The following TASP1 variants were observed in gnomAD, a reference collection of about 807,000 sequenced individuals.
The protein encoded by TASP1 is threonine aspartase 1.
TASP1 carries 16 observed loss-of-function variants against 56.6 expected under a neutral mutation model. The ratio of observed to expected loss-of-function variants is 0.28; its 90% confidence interval spans 0.19 to 0.43. The LOEUF (loss-of-function observed/expected upper bound fraction) is 0.43, where lower values mean the gene tolerates loss of function less well. TASP1 is among the 20% of genes least tolerant of loss of function. TASP1 has a pLI of 1.00. For missense variants in TASP1, 393 were observed against 511.6 expected (o/e 0.77, Z 2.24); for synonymous variants, 179 against 184.2 (o/e 0.97, Z 0.23).
At chr20:13,170,895 G>T in the TASP1 span, among the ~76,000 whole-genome samples, 6 of 152,272 alleles carry the variant, frequency 3.9e-5, no homozygotes, top group East Asian at 1.2e-3. Flanking sequence ...TGGACTAAAG[G>T]CATAAGGAAG....
intron 10 of TASP1, among the ~76,000 whole-genome samples, chr20:13,519,472 A>C (rs188194084): frequency 5.8e-4 from 88 of 152,252 alleles, no homozygotes; most frequent in Admixed American, 1.7e-3. Flanking sequence ...TCAACATACG[A>C]AAATCAATAA....
chr20:13,390,211 A>T lies in TASP1; in HGVS notation c.*149T>A. 1 of 682,910 alleles carries T rather than the reference A, an allele frequency of 1.5e-6. No individual in the cohort carries two copies. Among genetic ancestry groups the T allele is most frequent in the Non-Finnish European group, 2.5e-6 (1 of 406,416 alleles). 42.3% of individuals were successfully genotyped at this position (682,910 alleles called of 1,614,324 possible). ...AAGGCCCGCGTGTCACTAAGCGCTA[A>T]CTACAGCAGCACTTGTGTCTCGAGC... On this transcript the variant is annotated 3_prime_UTR_variant, in exon 14 of 14. Transcript: ENST00000337743.
the TASP1 span, among the ~76,000 whole-genome samples, chr20:13,184,404 T>C: frequency 5.9e-3 from 902 of 152,278 alleles, 7 homozygotes; most frequent in South Asian, 0.013. Context: ...GTATAATATA[T>C]TCATTCTTCA....
intron 11 of TASP1, among the ~76,000 whole-genome samples, chr20:13,476,172 TAA>T (rs1324470256): frequency 6.6e-6 from 1 of 152,174 alleles, no homozygotes; most frequent in African/African-American, 2.4e-5. Context: ...GTAGTCTGGT[TAA>T]AGTTTCTGTT....
At chr20:13,304,809 G>A in the TASP1 span, among the ~76,000 whole-genome samples, 1 of 152,140 alleles carries the variant, frequency 6.6e-6, no homozygotes, top group Non-Finnish European at 1.5e-5. Context: ...TTGAGTTCCA[G>A]TTGCCTATAG....
chr20:13,444,905 C>T (rs2043347835), intron 11 of TASP1, among the ~76,000 whole-genome samples: 1 of 152,176 alleles, frequency 6.6e-6, no homozygotes, highest in Admixed American at 6.6e-5. Flanking sequence ...GAAGAATCCA[C>T]CTCCAGCCCA....
the TASP1 span, among the ~76,000 whole-genome samples, chr20:13,371,062 T>C: frequency 6.6e-6 from 1 of 152,160 alleles, no homozygotes; most frequent in South Asian, 2.1e-4. Context: ...TCTCTCTTTT[T>C]TCTTGGCCGT....
the TASP1 span, among the ~76,000 whole-genome samples, chr20:13,169,680 A>AT: frequency 2.0e-5 from 3 of 151,976 alleles, no homozygotes; most frequent in Non-Finnish European, 4.4e-5. Context: ...TAATTGATCC[A>AT]TTTTTTTTAA....
At chr20:13,328,164 T>C in the TASP1 span, among the ~76,000 whole-genome samples, 2 of 152,156 alleles carry the variant, frequency 1.3e-5, no homozygotes, top group African/African-American at 4.8e-5. Context: ...GAACAGACAC[T>C]TCTCAACAGA....
the TASP1 span, among the ~76,000 whole-genome samples, chr20:13,382,341 A>G: frequency 2.6e-5 from 4 of 152,156 alleles, no homozygotes; most frequent in African/African-American, 4.8e-5. Context: ...AACATCCCCA[A>G]ACTATCTTCT....
At chr20:13,466,634 G>A (rs2146387932) in intron 11 of TASP1, among the ~76,000 whole-genome samples, 1 of 152,222 alleles carries the variant, frequency 6.6e-6, no homozygotes, top group African/African-American at 2.4e-5. Flanking sequence ...CCAGCCACAG[G>A]GGAGGCTGAG....
the TASP1 span, among the ~76,000 whole-genome samples, chr20:13,316,343 T>C: frequency 1.3e-5 from 2 of 151,998 alleles, no homozygotes; most frequent in Admixed American, 1.3e-4. Context: ...GTAGGTTCAA[T>C]GTTGAATTAT....
chr20:13,502,292 C>T (rs1388101036), intron 10 of TASP1, among the ~76,000 whole-genome samples: 1 of 151,832 alleles, frequency 6.6e-6, no homozygotes, highest in Non-Finnish European at 1.5e-5. Flanking sequence ...AGCAAAAGGT[C>T]GTCTTTTTAG....
At position 13,487,294 on chromosome 20, in the gene TASP1, G is replaced by A. The variant is rs376909652; in HGVS notation, c.875-3957C>T. Among the ~76,000 whole-genome samples, 61 of 152,200 alleles carry A rather than the reference G, an allele frequency of 4.0e-4. No homozygotes were observed. In the South Asian group the frequency reaches 8.9e-3, roughly 22 times the overall value. On this transcript the variant is annotated intron_variant, in intron 10 of 13. Transcript: ENST00000337743. ...GCCCAGCGTACACAGCAGTTGGCAG[G>A]GGTGCTACTACATATTGTCAGACCT...
chr20:13,234,324 A>C, the TASP1 span, among the ~76,000 whole-genome samples: 2 of 152,186 alleles, frequency 1.3e-5, no homozygotes, highest in Admixed American at 1.3e-4. Context: ...GTAGTATTCC[A>C]TGGTATATTT....
the TASP1 span, chr20:13,288,455 A>C: frequency 7.1e-6 from 10 of 1,412,598 alleles, no homozygotes; most frequent in Non-Finnish European, 9.8e-6. Flanking sequence ...GAAGGATAGA[A>C]GTGAATAATT....
chr20:13,591,246 C>T (rs1309227713), intron 4 of TASP1, among the ~76,000 whole-genome samples: 2 of 151,936 alleles, frequency 1.3e-5, no homozygotes, highest in African/African-American at 4.8e-5. Context: ...ATCCAAGAAG[C>T]TCAACAATCC....
chr20:13,573,733 G>GA (rs935810204), intron 6 of TASP1, among the ~76,000 whole-genome samples: 18 of 151,978 alleles, frequency 1.2e-4, no homozygotes, highest in African/African-American at 1.7e-4. Flanking sequence ...TTGAAGTGGT[G>GA]AAAAAAACAA....
At chr20:13,621,954 C>T (rs1307932736) in intron 4 of TASP1, among the ~76,000 whole-genome samples, 1 of 152,140 alleles carries the variant, frequency 6.6e-6, no homozygotes, top group East Asian at 1.9e-4. Flanking sequence ...CTTTGTGTGT[C>T]TGTTTTGAGT....
Sources: allele counts gnomAD v4.1 joint callset (sites outside exome capture counted in the v4.1 genomes callset), GRCh38; gene constraint gnomAD v4.1.1; transcripts MANE v1.5; gene names NCBI Gene and HGNC (gene_info 2026-07-23, HGNC 2026-07-21).